PAFAH2: variants seen among roughly 807,000 people sequenced by gnomAD.
The protein encoded by PAFAH2 is platelet-activating factor acetylhydrolase 2, cytoplasmic.
PAFAH2 carries 42 observed loss-of-function variants against 49.0 expected under a neutral mutation model. The ratio of observed to expected loss-of-function variants is 0.86; its 90% CI spans 0.67 to 1.11. The LOEUF (loss-of-function observed/expected upper bound fraction) is 1.11. PAFAH2 is among the 50% of genes least tolerant of loss of function. PAFAH2 has a pLI of 0.00. For missense variants in PAFAH2, 503 were observed against 501.8 expected (o/e 1.00, Z -0.02); for synonymous variants, 184 against 181.3 (o/e 1.01, Z -0.12).
Position 25,983,124 on chromosome 1 carries a change from C to T in PAFAH2, c.553-647G>A, listed in dbSNP as rs533377679. Among the ~76,000 whole-genome samples, 3 of 152,252 alleles carry T rather than the reference C, an allele frequency of 2.0e-5. No homozygotes were observed. In the South Asian group the frequency reaches 6.2e-4, roughly 32 times the overall value. ...CTGTGGTTCTGACTGGGTGCCGTGG[C>T]TCACACCTATATCTCCAGCACTTTG... is the stretch of plus-strand genomic sequence containing the variant. On this transcript the variant is annotated intron_variant, in intron 6 of 10. Transcript: ENST00000374282.
At chr1:25,974,742 G>T in intron 8 of PAFAH2, 92 bp from the exon 9 acceptor site, 1 of 1,257,354 alleles carries the variant, frequency 8.0e-7, no homozygotes, top group Non-Finnish European at 1.1e-6. Flanking sequence ...CCTCCCTCTG[G>T]TGGGGTAAAG....
chr1:25,970,247 A>G (rs1557514704), intron 10 of PAFAH2, among the ~76,000 whole-genome samples: 1 of 152,148 alleles, frequency 6.6e-6, no homozygotes, highest in Non-Finnish European at 1.5e-5. Flanking sequence ...CAGGTGGATC[A>G]CTGGAGGTTA....
chr1:25,997,953 A>G (rs1253796121), intron 1 of PAFAH2, 72 bp downstream of exon 1: 1 of 152,268 alleles, frequency 6.6e-6, no homozygotes, highest in Non-Finnish European at 1.5e-5. Flanking sequence ...CCGAGGCCCC[A>G]AACCGGGCCA....
chr1:25,973,324 A>G (rs903455465), intron 9 of PAFAH2, among the ~76,000 whole-genome samples: 1 of 152,210 alleles, frequency 6.6e-6, no homozygotes, highest in Non-Finnish European at 1.5e-5. Context: ...TAAATTATTC[A>G]TAACTGAATT....
chr1:25,967,730 C>T (rs1032507321), intron 10 of PAFAH2, among the ~76,000 whole-genome samples: 1 of 152,120 alleles, frequency 6.6e-6, no homozygotes, highest in African/African-American at 2.4e-5. Context: ...CGAAAGCAGA[C>T]ATTCTTTTGA....
At chr1:25,986,676 T>G (rs1415134986) in intron 4 of PAFAH2, among the ~76,000 whole-genome samples, 1 of 151,938 alleles carries the variant, frequency 6.6e-6, no homozygotes, top group African/African-American at 2.4e-5. Flanking sequence ...ATTACAGGCA[T>G]GCACCACCAC....
intron 7 of PAFAH2, among the ~76,000 whole-genome samples, chr1:25,978,381 A>G (rs970865249): frequency 6.6e-6 from 1 of 152,142 alleles, no homozygotes; most frequent in African/African-American, 2.4e-5. Flanking sequence ...ATGAATATAT[A>G]CACTTTCCCT....
chr1:25,976,865 T>A, intron 7 of PAFAH2, 92 bp from the exon 8 acceptor site: 1 of 971,562 alleles, frequency 1.0e-6, no homozygotes, highest in Non-Finnish European at 1.6e-6. Context: ...AGTGAGGCAA[T>A]GAGGCCAAAG....
In PAFAH2 at chr1:25,989,486, T is replaced by C. The variant is rs772756503; in HGVS notation, c.206A>G (p.Asn69Ser). 6.2e-6 allele frequency: 10 copies of C among 1,610,828 alleles called. No individual in the cohort carries two copies. The Admixed American group carries it at 1.0e-4, about 16-fold the overall frequency. Residue 69 changes from asparagine to serine, a missense_variant, in exon 3 of 11, where the codon AAT (asparagine) becomes AGT (serine). Asn to Ser is a conservative substitution (Grantham distance 46). Transcript: ENST00000374282. ...CTGLAEYLQFNKRCGGLLFNL... is the reference protein window; with the variant it reads ...CTGLAEYLQFSKRCGGLLFNL... The stretch of plus-strand genomic sequence containing the variant: ...GAACAGCAAGCCCCCGCAGCGCTTA[T>C]TAAACTGCAGGTACTCGGCCAGGCC...
intron 10 of PAFAH2, among the ~76,000 whole-genome samples, chr1:25,967,323 A>T (rs886541727): frequency 2.0e-5 from 3 of 152,156 alleles, no homozygotes; most frequent in African/African-American, 7.2e-5. Flanking sequence ...GTGCAGTTGA[A>T]ATTGGTTTTG....
chr1:25,972,817 T>G, intron 9 of PAFAH2, 105 bp from the exon 10 acceptor site: 1 of 1,117,740 alleles, frequency 8.9e-7, no homozygotes, highest in Non-Finnish European at 1.3e-6. Flanking sequence ...TTATCACACT[T>G]TATTTTCACA....
chr1:25,972,763 G>C, intron 9 of PAFAH2, 51 bp from the exon 10 acceptor site: 1 of 1,602,040 alleles, frequency 6.2e-7, no homozygotes, highest in Non-Finnish European at 8.5e-7. Context: ...AGGGCATACA[G>C]ATGTGTGTTA....
At chr1:25,978,849 G>A (rs532755885) in intron 7 of PAFAH2, among the ~76,000 whole-genome samples, 16 of 152,296 alleles carry the variant, frequency 1.1e-4, no homozygotes, top group African/African-American at 2.9e-4. Flanking sequence ...GAAATGTGGC[G>A]TTTACACACT....
chr1:25,980,043 C>T (rs2049659523), intron 7 of PAFAH2, among the ~76,000 whole-genome samples: 1 of 152,240 alleles, frequency 6.6e-6, no homozygotes, highest in African/African-American at 2.4e-5. Flanking sequence ...GTCTGCCTTA[C>T]CTACTGGGCA....
chr1:25,988,150 T>G (rs2049811361), intron 4 of PAFAH2, 81 bp downstream of exon 4: 2 of 838,958 alleles, frequency 2.4e-6, no homozygotes, highest in Non-Finnish European at 1.9e-6. Context: ...GTCTTTTTTT[T>G]GCCCTTTGAG....
At chr1:25,977,014 CTTTTTT>C (rs201548055) in intron 7 of PAFAH2, among the ~76,000 whole-genome samples, 6 of 88,362 alleles carry the variant, frequency 6.8e-5, no homozygotes, top group African/African-American at 1.3e-4. Flanking sequence ...TTCATGTTTA[CTTTTTT>C]TTTTTTTTTT....
rs575361407 is a variant in PAFAH2, at chr1:25,962,796, T to C, written c.1085-713A>G. Among the ~76,000 whole-genome samples, 10 of 146,672 alleles carry C rather than the reference T, an allele frequency of 6.8e-5. No individual in the cohort carries two copies. The South Asian group carries it at 2.2e-3, about 32-fold the overall frequency. On this transcript the variant is annotated intron_variant, in intron 10 of 10. Transcript: ENST00000374282. ...GTGATAATGCCACTGCACTCCAACC[T>C]GGGCAACAGCAAGACCATGTCTCAG... is the stretch of plus-strand genomic sequence containing the variant.
chr1:25,973,241 G>A (rs184497721), intron 9 of PAFAH2, among the ~76,000 whole-genome samples: 5 of 152,150 alleles, frequency 3.3e-5, no homozygotes, highest in Admixed American at 2.0e-4. Context: ...GGGTTTCTGG[G>A]TTGGAACTTA....
At chr1:25,995,186 T>C (rs2124375040) in intron 1 of PAFAH2, among the ~76,000 whole-genome samples, 1 of 152,346 alleles carries the variant, frequency 6.6e-6, no homozygotes, top group South Asian at 2.1e-4. Flanking sequence ...TCTAGTCCTC[T>C]GTGAAGCTTT....
Sources: allele counts gnomAD v4.1 joint callset (sites outside exome capture counted in the v4.1 genomes callset), GRCh38; gene constraint gnomAD v4.1.1; transcripts MANE v1.5; gene names NCBI Gene and HGNC (gene_info 2026-07-23, HGNC 2026-07-21).